The following SMYD3 variants were observed in gnomAD, a reference collection of about 807,000 sequenced individuals.
SMYD3 encodes histone-lysine N-methyltransferase SMYD3.
In SMYD3, 36 loss-of-function variants were observed where a neutral mutation model predicts 57.7. The observed-to-expected ratio is 0.62, with a 90% CI of 0.48 to 0.82. SMYD3 has a LOEUF of 0.82. Ranked by LOEUF, SMYD3 falls within the 40% of genes least tolerant of loss-of-function variation. The probability of loss-of-function intolerance (pLI) is 0.00; values close to 1 mark genes in which losing one functional copy is unlikely to be tolerated. For synonymous variants in SMYD3, 211 were observed against 195.0 expected (o/e 1.08, Z -0.68); for missense variants, 515 against 538.8 (o/e 0.96, Z 0.44).
At chr1:245,954,819 C>T (rs1002505859) in intron 5 of SMYD3, among the ~76,000 whole-genome samples, 7 of 152,226 alleles carry the variant, frequency 4.6e-5, no homozygotes, top group Non-Finnish European at 8.8e-5. Flanking sequence ...TTATCTCTTA[C>T]TTGCAACTTT....
At chr1:246,005,159 A>G (rs950836592) in intron 5 of SMYD3, among the ~76,000 whole-genome samples, 1 of 152,126 alleles carries the variant, frequency 6.6e-6, no homozygotes, top group Non-Finnish European at 1.5e-5. Context: ...TAATTTTAAC[A>G]TTTTAAGGGG....
chr1:246,292,454 CAG>C, intron 5 of SMYD3, among the ~76,000 whole-genome samples: 1 of 152,312 alleles, frequency 6.6e-6, no homozygotes, highest in Non-Finnish European at 1.5e-5. Context: ...TCCAACACAC[CAG>C]CATCTTAGAC....
intron 5 of SMYD3, among the ~76,000 whole-genome samples, chr1:246,048,615 A>T (rs193260136): frequency 6.6e-6 from 1 of 152,178 alleles, no homozygotes; most frequent in Non-Finnish European, 1.5e-5. Flanking sequence ...AGAGGATGGA[A>T]GCCCGACAGC....
rs55996523 is a variant in SMYD3 at position 246,376,589 on chromosome 1, T to TAAA, written c.165-21498_165-21496dup. On this transcript the variant is annotated intron_variant, in intron 1 of 11. Transcript: ENST00000490107. Reference sequence around the variant, plus strand: ...CTGGGCAACAGTGCGACACTCCATCTAAAAAAAAAAAAAAAAAAAAACTAA... The same window carrying TAAA: ...CTGGGCAACAGTGCGACACTCCATCTAAAAAAAAAAAAAAAAAAAAAAAACTAA... 1.8e-3 allele frequency among the ~76,000 whole-genome samples: 153 copies of TAAA among 85,160 alleles called. 4 individuals are homozygous for TAAA. Among genetic ancestry groups the TAAA allele is most frequent in the African/African-American group, 6.3e-3 (129 of 20,346 alleles). The allele number at this position is 85,160 out of a possible 152,430, so 55.9% of individuals were successfully genotyped here. A position where few individuals can be genotyped will look rare whatever the true frequency, so the allele number is the denominator to read the frequency against.
intron 1 of SMYD3, chr1:246,483,892 C>A (rs911394832): frequency 3.9e-5 from 6 of 152,186 alleles, no homozygotes; most frequent in African/African-American, 1.2e-4. Flanking sequence ...TGCTTTTTCA[C>A]AATTGTAACA....
chr1:246,084,947 G>A (rs1337433248), intron 5 of SMYD3, among the ~76,000 whole-genome samples: 2 of 152,074 alleles, frequency 1.3e-5, no homozygotes, highest in Admixed American at 1.3e-4. Context: ...CTAAAGATGC[G>A]CATTAACATT....
At chr1:246,269,679 C>T (rs2064182013) in intron 5 of SMYD3, among the ~76,000 whole-genome samples, 1 of 151,972 alleles carries the variant, frequency 6.6e-6, no homozygotes, top group Non-Finnish European at 1.5e-5. Flanking sequence ...AGCAATCCTC[C>T]CACCTCAGCC....
intron 1 of SMYD3, among the ~76,000 whole-genome samples, chr1:246,487,504 A>ATACAATGT (rs1487464717): frequency 1.3e-5 from 2 of 152,168 alleles, no homozygotes; most frequent in Admixed American, 6.5e-5. Context: ...GTGATAAAAG[A>ATACAATGT]TACAATGTTC....
intron 5 of SMYD3, among the ~76,000 whole-genome samples, chr1:245,944,092 C>T (rs2057354732): frequency 6.6e-6 from 1 of 152,112 alleles, no homozygotes; most frequent in Non-Finnish European, 1.5e-5. Context: ...GACAAGGATG[C>T]CCTCTCTCAC....
rs558865639 is a variant in SMYD3 at position 245,806,773 on chromosome 1, G to A, written c.1077-42624C>T. 3.2e-3 allele frequency among the ~76,000 whole-genome samples: 478 copies of A among 151,372 alleles called. 2 individuals carry two copies. Among genetic ancestry groups the A allele is most frequent in the African/African-American group, 9.4e-3 (387 of 41,176 alleles). ...AAAATACAAAAAATTAGCCGGGCGCGGTGGCGGGCGCCTGTAGTCCCAGCT... is the reference window on the plus strand; with the variant it reads ...AAAATACAAAAAATTAGCCGGGCGCAGTGGCGGGCGCCTGTAGTCCCAGCT... On this transcript the variant is annotated intron_variant, in intron 10 of 11. Coordinates refer to ENST00000490107, the MANE Select transcript of SMYD3 (RefSeq NM_001167740.2).
intron 8 of SMYD3, among the ~76,000 whole-genome samples, chr1:245,914,194 T>C (rs1236061592): frequency 6.6e-6 from 1 of 152,168 alleles, no homozygotes; most frequent in Non-Finnish European, 1.5e-5. Flanking sequence ...AGTATAGCCA[T>C]TATGGAAAAC....
At chr1:246,437,745 T>A (rs142978091) in intron 1 of SMYD3, among the ~76,000 whole-genome samples, 3,341 of 152,294 alleles carry the variant, frequency 0.022, 82 homozygotes, top group African/African-American at 0.06. Flanking sequence ...AAACTTAGAG[T>A]TTTGACTGTT....
chr1:246,159,263 C>T (rs551112563), intron 5 of SMYD3, among the ~76,000 whole-genome samples: 2 of 152,300 alleles, frequency 1.3e-5, no homozygotes, highest in East Asian at 1.9e-4. Flanking sequence ...TCCCACAATG[C>T]CATTAGGGAG....
At chr1:246,006,538 T>C (rs2059172690) in intron 5 of SMYD3, among the ~76,000 whole-genome samples, 1 of 151,950 alleles carries the variant, frequency 6.6e-6, no homozygotes, top group Non-Finnish European at 1.5e-5. Context: ...TGGAAAGTGA[T>C]ATGCAGCCCC....
intron 1 of SMYD3, among the ~76,000 whole-genome samples, chr1:246,466,029 C>A (rs1302442869): frequency 6.6e-6 from 1 of 152,200 alleles, no homozygotes; most frequent in Non-Finnish European, 1.5e-5. Context: ...GCCTTGGCCT[C>A]CCAAAGTGCT....
intron 5 of SMYD3, among the ~76,000 whole-genome samples, chr1:246,303,305 C>A (rs927895446): frequency 1.3e-5 from 2 of 152,136 alleles, no homozygotes; most frequent in African/African-American, 4.8e-5. Context: ...CCCTGGAGTA[C>A]ACACTCTGTA....
intron 5 of SMYD3, among the ~76,000 whole-genome samples, chr1:246,140,532 T>C (rs2061736779): frequency 6.6e-6 from 1 of 152,214 alleles, no homozygotes; most frequent in African/African-American, 2.4e-5. Flanking sequence ...TGCTCCGTGG[T>C]GGATTATTTT....
In SMYD3 at chr1:246,466,880, T is replaced by A. The variant is rs565182775; in HGVS notation, c.164+40174A>T. Among the ~76,000 whole-genome samples the A allele has an allele frequency of 1.2e-3, 183 of 151,412 alleles. 1 individual carries two copies. The highest frequency in any genetic ancestry group is 3.7e-3 in the African/African-American group (152 of 41,288). ...ATAATAATTTTTAAAATTTTTTTTT[T>A]AAAAATGCTGGGCGCAGTGGCTCAC... On this transcript the variant is annotated intron_variant, in intron 1 of 11. Coordinates refer to ENST00000490107, the MANE Select transcript of SMYD3 (RefSeq NM_001167740.2).
chr1:245,905,957 C>G (rs554915332), intron 8 of SMYD3, among the ~76,000 whole-genome samples: 1 of 152,318 alleles, frequency 6.6e-6, no homozygotes, highest in African/African-American at 2.4e-5. Flanking sequence ...AAGAATGAAA[C>G]TACACCACTA....
Sources: allele counts gnomAD v4.1 joint callset (sites outside exome capture counted in the v4.1 genomes callset), GRCh38; gene constraint gnomAD v4.1.1; transcripts MANE v1.5; gene names NCBI Gene and HGNC (gene_info 2026-07-23, HGNC 2026-07-21).